HSPA4: variants seen among roughly 807,000 people sequenced by gnomAD.
HSPA4 encodes the protein heat shock protein family A (Hsp70) member 4.
In HSPA4, 25 loss-of-function variants were observed where a neutral mutation model predicts 106.2. That is an observed-to-expected ratio of 0.24 (90% CI 0.17 to 0.33). HSPA4 has a LOEUF of 0.33. Ranked by LOEUF, HSPA4 falls within the 10% of genes least tolerant of loss-of-function variation. The pLI, the probability that HSPA4 is intolerant of heterozygous loss-of-function variation, is 1.00. For missense variants in HSPA4, 841 were observed against 996.0 expected (o/e 0.84, Z 2.10); for synonymous variants, 332 against 333.6 (o/e 1.00, Z 0.05).
At chr5:133,059,694 A>G (rs1765214244) in intron 1 of HSPA4, among the ~76,000 whole-genome samples, 1 of 152,202 alleles carries the variant, frequency 6.6e-6, no homozygotes, top group Non-Finnish European at 1.5e-5. Flanking sequence ...CATAGACTCT[A>G]ATACGTTTCT....
At chr5:133,092,637 C>A in intron 12 of HSPA4, 63 bp from the exon 13 acceptor site, 3 of 1,044,516 alleles carry the variant, frequency 2.9e-6, no homozygotes, top group Non-Finnish European at 4.5e-6. Flanking sequence ...GTGACTTTGT[C>A]AATGTGTAAT....
intron 4 of HSPA4, among the ~76,000 whole-genome samples, chr5:133,072,566 T>A (rs73264414): frequency 0.053 from 7,803 of 147,656 alleles, 598 homozygotes; most frequent in East Asian, 0.3. Flanking sequence ...TGGTTTATTT[T>A]TTTTTTTTTT....
chr5:133,059,787 T>A (rs1765215822), intron 1 of HSPA4, among the ~76,000 whole-genome samples: 1 of 152,176 alleles, frequency 6.6e-6, no homozygotes, highest in East Asian at 1.9e-4. Context: ...AAGTGTAGGA[T>A]GCTTAGCACA....
Position 133,100,662 on chromosome 5 carries a change from G to GT in HSPA4, c.2037+1011dup, listed in dbSNP as rs575633058. Among the ~76,000 whole-genome samples, 22 of 152,310 alleles carry GT rather than the reference G, an allele frequency of 1.4e-4. No homozygotes were observed. The East Asian group carries it at 3.9e-3, about 27-fold the overall frequency. ...TAGCCGAGCGTGGTGGCGGGTGCCT[G>GT]TAGTCCCAGCATCTGATCTTTTAAC... is the stretch of plus-strand genomic sequence containing the variant. On this transcript the variant is annotated intron_variant, in intron 16 of 18. Coordinates refer to ENST00000304858, the MANE Select transcript of HSPA4 (RefSeq NM_002154.4).
At chr5:133,060,381 T>G (rs78913186) in intron 1 of HSPA4, among the ~76,000 whole-genome samples, 2 of 152,016 alleles carry the variant, frequency 1.3e-5, no homozygotes, top group Non-Finnish European at 2.9e-5. Context: ...TTTTTTTTTT[T>G]GCGACGGAGT....
intron 7 of HSPA4, among the ~76,000 whole-genome samples, chr5:133,081,873 C>T (rs1005252553): frequency 4.6e-5 from 7 of 151,910 alleles, no homozygotes; most frequent in Non-Finnish European, 1.0e-4. Context: ...AAAAACAAAA[C>T]CAAAAAAATC....
chr5:133,076,770 C>T lies in HSPA4; in HGVS notation c.780C>T (p.Ile260=), dbSNP rs1765450761. 2 of 1,613,832 alleles carry T rather than the reference C, an allele frequency of 1.2e-6. No individual in the cohort carries two copies. Among genetic ancestry groups the T allele is most frequent in the South Asian group, 2.2e-5 (2 of 91,070 alleles). The change falls in exon 7 of 19, where the codon ATC becomes ATT. Residue 260 remains isoleucine, a synonymous_variant. Coordinates refer to ENST00000304858, the MANE Select transcript of HSPA4 (RefSeq NM_002154.4). ...ACAAGCTAGACATTAAGTCCAAAAT[C>T]CGTGCATTATTACGACTCTCTCAGG... ...KKYKLDIKSK[I]RALLRLSQEC...
intron 6 of HSPA4, among the ~76,000 whole-genome samples, chr5:133,075,444 T>G (rs1245963255): frequency 6.6e-6 from 1 of 152,200 alleles, no homozygotes; most frequent in Admixed American, 6.5e-5. Flanking sequence ...TTGATTACTT[T>G]TAAATTATAA....
chr5:133,070,136 C>CAG (rs1477419210), intron 3 of HSPA4, among the ~76,000 whole-genome samples: 1 of 151,622 alleles, frequency 6.6e-6, no homozygotes, highest in East Asian at 1.9e-4. Flanking sequence ...CACGGCGCTC[C>CAG]AGAGAGAGAG....
intron 17 of HSPA4, 113 bp from the exon 18 acceptor site, chr5:133,103,752 C>T (rs1581484254): frequency 1.2e-6 from 1 of 832,256 alleles, no homozygotes; most frequent in Non-Finnish European, 1.9e-6. Flanking sequence ...GCTAAATATG[C>T]TTTATTTTTT....
chr5:133,061,334 G>T (rs1473355855), intron 1 of HSPA4, among the ~76,000 whole-genome samples: 2 of 151,836 alleles, frequency 1.3e-5, no homozygotes, highest in African/African-American at 4.8e-5. Flanking sequence ...GTGTTAGCCA[G>T]GATGGTCTCG....
At chr5:133,099,183 G>C (rs890499445) in intron 15 of HSPA4, among the ~76,000 whole-genome samples, 8 of 152,140 alleles carry the variant, frequency 5.3e-5, no homozygotes, top group African/African-American at 1.9e-4. Context: ...AGGCTGGAGT[G>C]CAGTGGCCCC....
chr5:133,086,927 A>T, intron 8 of HSPA4, 69 bp downstream of exon 8: 2 of 1,234,088 alleles, frequency 1.6e-6, no homozygotes, highest in South Asian at 2.5e-5. Flanking sequence ...TTATTATCTT[A>T]CTTTTGCAAG....
intron 6 of HSPA4, 65 bp downstream of exon 6, chr5:133,074,191 A>G: frequency 4.4e-6 from 5 of 1,131,008 alleles, no homozygotes; most frequent in African/African-American, 1.6e-5. Flanking sequence ...TTTGAGAGAC[A>G]ATGATTTTTT....
At chr5:133,085,242 A>G (rs1765563305) in intron 7 of HSPA4, among the ~76,000 whole-genome samples, 1 of 152,144 alleles carries the variant, frequency 6.6e-6, no homozygotes, top group African/African-American at 2.4e-5. Flanking sequence ...TGAGTGAGTA[A>G]TCAGGCTGTG....
intron 1 of HSPA4, among the ~76,000 whole-genome samples, chr5:133,059,554 A>C (rs1581463958): frequency 6.6e-6 from 1 of 152,018 alleles, no homozygotes; most frequent in East Asian, 1.9e-4. Context: ...CGGAGGTTGC[A>C]GTGAGCAGAT....
intron 6 of HSPA4, among the ~76,000 whole-genome samples, chr5:133,075,652 A>G (rs1306741040): frequency 2.0e-5 from 3 of 151,556 alleles, no homozygotes; most frequent in Non-Finnish European, 4.4e-5. Flanking sequence ...ACATGGCAAA[A>G]CCCCGTCTCT....
intron 3 of HSPA4, among the ~76,000 whole-genome samples, 184 bp from the exon 4 acceptor site, chr5:133,070,190 T>TA (rs889779837): frequency 4.1e-5 from 6 of 146,732 alleles, no homozygotes; most frequent in African/African-American, 1.5e-4. Context: ...ATAATAATAA[T>TA]AAAAAAAGAA....
In HSPA4 at chr5:133,085,991, G is replaced by A. The variant is rs1765574093; in HGVS notation, c.909-791G>A. ...CTGGGAGTGAGGAGGGGATGTATGG[G>A]GATTCTTGTTATGTTCATTTCTCTG... On this transcript the variant is annotated intron_variant, in intron 7 of 18. Coordinates refer to ENST00000304858, the MANE Select transcript of HSPA4 (RefSeq NM_002154.4). Among the ~76,000 whole-genome samples, 3 of 152,200 alleles carry A rather than the reference G, an allele frequency of 2.0e-5. No homozygotes were observed. The South Asian group carries it at 6.2e-4, about 32-fold the overall frequency.
Sources: allele counts gnomAD v4.1 joint callset (sites outside exome capture counted in the v4.1 genomes callset), GRCh38; gene constraint gnomAD v4.1.1; transcripts MANE v1.5; gene names NCBI Gene and HGNC (gene_info 2026-07-23, HGNC 2026-07-21).